The following TMEM184C variants were observed in gnomAD, a reference collection of about 807,000 sequenced individuals.
TMEM184C encodes the protein transmembrane protein 184C.
A neutral mutation model predicts 54.5 loss-of-function variants in TMEM184C; 25 were observed. That is an observed-to-expected ratio of 0.46 (90% confidence interval 0.33 to 0.64). The LOEUF is 0.64. TMEM184C is among the 30% of genes least tolerant of loss of function. The pLI, the probability that TMEM184C is intolerant of heterozygous loss-of-function variation, is 0.02. For synonymous variants in TMEM184C, 148 were observed against 181.5 expected (o/e 0.82, Z 1.49); for missense variants, 335 against 520.3 (o/e 0.64, Z 3.46).
At position 147,634,312 on chromosome 4, in the gene TMEM184C, C is replaced by G. The variant is rs1266872334; in HGVS notation, c.1195C>G (p.Gln399Glu). 2 of 1,613,978 alleles carry G rather than the reference C, an allele frequency of 1.2e-6. No homozygotes were observed. Among genetic ancestry groups the G allele is most frequent in the African/African-American group, 1.3e-5 (1 of 74,874 alleles). Residue 399 changes from glutamine to glutamate, a missense_variant, in exon 10 of 10, where the codon CAA becomes GAA. By Grantham distance (29) the Gln-to-Glu change is conservative. Transcript: ENST00000296582. ...GCCACCTTCACCCATGGGTCACTAC[C>G]AAGGGTTTGGACACACTGTGACTCC... ...SMPPSPMGHY[Q>E]GFGHTVTPQT...
In TMEM184C at chr4:147,634,011, A is replaced by G; in HGVS notation, c.1051+75A>G. 9.1e-6 allele frequency: 14 copies of G among 1,542,142 alleles called. 1 individual carries two copies. The South Asian group carries it at 1.8e-4, about 19-fold the overall frequency. ...ATTTCTCCTACTAGGGCAATTTATTATCTATTTAGAGATGAAAAAAGACTT... is the reference window on the plus strand; with the variant it reads ...ATTTCTCCTACTAGGGCAATTTATTGTCTATTTAGAGATGAAAAAAGACTT... On this transcript the variant is annotated intron_variant, in intron 9 of 9. Coordinates refer to ENST00000296582, the MANE Select transcript of TMEM184C (RefSeq NM_018241.3).
intron 1 of TMEM184C, among the ~76,000 whole-genome samples, chr4:147,622,131 T>C (rs1320653203): frequency 6.6e-6 from 1 of 151,848 alleles, no homozygotes; most frequent in Non-Finnish European, 1.5e-5. Context: ...TTTGTAGAGA[T>C]GGAGTTTTGC....
At chr4:147,631,960 A>C (rs1304687049) in intron 7 of TMEM184C, among the ~76,000 whole-genome samples, 2 of 152,132 alleles carry the variant, frequency 1.3e-5, no homozygotes, top group Admixed American at 1.3e-4. Flanking sequence ...CAGGTGGATC[A>C]CCTGAGGTTG....
At chr4:147,619,717 T>G (rs1234221572) in intron 1 of TMEM184C, among the ~76,000 whole-genome samples, 2 of 152,244 alleles carry the variant, frequency 1.3e-5, no homozygotes, top group Admixed American at 6.5e-5. Context: ...AAGACTTCTC[T>G]TAGTTGTTAG....
intron 1 of TMEM184C, among the ~76,000 whole-genome samples, chr4:147,618,397 C>A (rs184758444): frequency 6.6e-6 from 1 of 152,216 alleles, no homozygotes; most frequent in East Asian, 1.9e-4. Context: ...AGACATTGGA[C>A]GAAACTAGGT....
At chr4:147,622,242 C>T (rs1046797399) in intron 1 of TMEM184C, among the ~76,000 whole-genome samples, 3 of 151,940 alleles carry the variant, frequency 2.0e-5, no homozygotes, top group Non-Finnish European at 2.9e-5. Flanking sequence ...CGCGCCTGGC[C>T]GCAGTACCAT....
At chr4:147,620,784 G>C (rs1004313795) in intron 1 of TMEM184C, among the ~76,000 whole-genome samples, 2 of 152,186 alleles carry the variant, frequency 1.3e-5, no homozygotes, top group Non-Finnish European at 2.9e-5. Context: ...AGAAAATTGA[G>C]GGTTAGGAAC....
At chr4:147,624,382 G>T (rs539415271) in intron 3 of TMEM184C, among the ~76,000 whole-genome samples, 1 of 149,842 alleles carries the variant, frequency 6.7e-6, no homozygotes, top group South Asian at 2.1e-4. Context: ...TATTTATTAC[G>T]TCTTTTATTT....
chr4:147,622,509 G>T (rs1732729412), intron 1 of TMEM184C, among the ~76,000 whole-genome samples: 3 of 152,112 alleles, frequency 2.0e-5, no homozygotes, highest in African/African-American at 7.2e-5. Context: ...TATATGTATA[G>T]GAAAAAACAT....
At chr4:147,623,795 T>A (rs1732760397) in intron 1 of TMEM184C, 39 bp from the exon 2 acceptor site, 1 of 1,603,584 alleles carries the variant, frequency 6.2e-7, no homozygotes, top group South Asian at 1.1e-5. Context: ...TTTGTTTTAA[T>A]ATCAGAATTT....
chr4:147,624,696 A>T, intron 3 of TMEM184C, 108 bp from the exon 4 acceptor site: 1 of 989,524 alleles, frequency 1.0e-6, no homozygotes, highest in Non-Finnish European at 1.5e-6. Context: ...TAAGTATATG[A>T]CAAGACATCT....
Position 147,624,957 on chromosome 4 carries a change from C to T in TMEM184C, c.445C>T (p.Gln149Ter). 6.2e-7 allele frequency: 1 copy of T among 1,613,892 alleles called. No individual in the cohort carries two copies. The highest frequency in any genetic ancestry group is 8.5e-7 in the Non-Finnish European group (1 of 1,179,870). The change falls in exon 4 of 10, where the codon CAA becomes TAA. Residue 149 changes from glutamine (Q) to a stop codon, truncating the protein, a stop_gained. Coordinates refer to ENST00000296582, the MANE Select transcript of TMEM184C (RefSeq NM_018241.3). LOFTEE classifies it high-confidence loss of function. ...GGTATTAATCCTTGAAGCCAAAGATCAACAGAAACATTTCCCTCCTTTATG... is the reference window on the plus strand; with the variant it reads ...GGTATTAATCCTTGAAGCCAAAGATTAACAGAAACATTTCCCTCCTTTATG... Reference protein sequence around the residue: ...NLVLILEAKDQQKHFPPLCCC... With the variant: ...NLVLILEAKD
intron 1 of TMEM184C, among the ~76,000 whole-genome samples, chr4:147,621,906 T>G (rs1732716118): frequency 6.6e-6 from 1 of 152,170 alleles, no homozygotes; most frequent in South Asian, 2.1e-4. Flanking sequence ...TTCTCTTAAG[T>G]GTACCACCAA....
intron 1 of TMEM184C, among the ~76,000 whole-genome samples, chr4:147,623,152 A>G (rs1366046053): frequency 6.6e-6 from 1 of 152,126 alleles, no homozygotes; most frequent in African/African-American, 2.4e-5. Flanking sequence ...GTCCTGTTCA[A>G]ACAGTGAAAC....
rs375514269 is a variant in TMEM184C at position 147,617,919 on chromosome 4, C to A, written c.-38C>A. 12 of 1,612,378 alleles carry A rather than the reference C, an allele frequency of 7.4e-6. No homozygotes were observed. Among genetic ancestry groups the A allele is most frequent in the Admixed American group, 1.7e-5 (1 of 59,970 alleles). On this transcript the variant is annotated 5_prime_UTR_variant, in exon 1 of 10. Transcript: ENST00000296582. ...CTCCCCATTACAATCTTTTCGAGAT[C>A]TTTTCCCTTGCTAACCGGATCTGAT...
At chr4:147,633,113 T>C in intron 8 of TMEM184C, 111 bp downstream of exon 8, 1 of 821,070 alleles carries the variant, frequency 1.2e-6, no homozygotes, top group Non-Finnish European at 1.9e-6. Flanking sequence ...ATCCTCACTT[T>C]ACAGGTGAGA....
chr4:147,619,977 C>T (rs773560852), intron 1 of TMEM184C, among the ~76,000 whole-genome samples: 2 of 152,210 alleles, frequency 1.3e-5, no homozygotes, highest in African/African-American at 2.4e-5. Context: ...CACCTGATCC[C>T]CCTCTGACTT....
At chr4:147,619,940 A>G (rs1417339462) in intron 1 of TMEM184C, among the ~76,000 whole-genome samples, 1 of 152,158 alleles carries the variant, frequency 6.6e-6, no homozygotes, top group Non-Finnish European at 1.5e-5. Flanking sequence ...GTGGCCATCA[A>G]GGTCCAACAT....
At chr4:147,622,759 TTTTGG>T (rs1732736097) in intron 1 of TMEM184C, among the ~76,000 whole-genome samples, 1 of 152,168 alleles carries the variant, frequency 6.6e-6, no homozygotes. Context: ...TTGTATTAGC[TTTTGG>T]TTTGTTTTTG....
Sources: gnomAD v4.1 joint callset for allele counts (sites outside exome capture counted in the v4.1 genomes callset) on GRCh38, gnomAD v4.1.1 for gene constraint, MANE v1.5 for transcripts, NCBI Gene and HGNC (gene_info 2026-07-23, HGNC 2026-07-21) for gene names.